ATRNL1: variants seen among roughly 807,000 people sequenced by gnomAD.
ATRNL1 encodes the protein attractin like 1.
Under a neutral mutation model 182.7 loss-of-function variants are expected in ATRNL1, and 95 were observed. The ratio of observed to expected loss-of-function variants is 0.52; its 90% confidence interval spans 0.44 to 0.62. The LOEUF (loss-of-function observed/expected upper bound fraction) is 0.62. Ranked by LOEUF, ATRNL1 falls within the 20% of genes least tolerant of loss-of-function variation. The pLI, the probability that ATRNL1 is intolerant of heterozygous loss-of-function variation, is 0.00. For synonymous variants in ATRNL1, 576 were observed against 568.3 expected (o/e 1.01, Z -0.19); for missense variants, 1,471 against 1,679.5 (o/e 0.88, Z 2.17).
At chr10:115,441,466 T>C (rs10787572) in intron 21 of ATRNL1, among the ~76,000 whole-genome samples, 46,501 of 151,702 alleles carry the variant, frequency 0.31, 7,244 homozygotes, top group African/African-American at 0.33. Flanking sequence ...TTGACTTTCC[T>C]ATCATACTTT....
At chr10:115,099,440 T>C (rs2085105137) in intron 1 of ATRNL1, among the ~76,000 whole-genome samples, 1 of 152,218 alleles carries the variant, frequency 6.6e-6, no homozygotes, top group Non-Finnish European at 1.5e-5. Flanking sequence ...TTCCTTTCTC[T>C]TGGGGAAATA....
At chr10:115,232,254 A>C (rs2144526309) in intron 9 of ATRNL1, among the ~76,000 whole-genome samples, 1 of 152,234 alleles carries the variant, frequency 6.6e-6, no homozygotes, top group East Asian at 1.9e-4. Context: ...AATCTCATTA[A>C]GGTTTGATGT....
chr10:115,516,951 C>T (rs1229025663), intron 24 of ATRNL1, among the ~76,000 whole-genome samples: 1 of 151,870 alleles, frequency 6.6e-6, no homozygotes, highest in Non-Finnish European at 1.5e-5. Flanking sequence ...GTGATATCCC[C>T]CTACAAGTTC....
At chr10:115,514,945 T>G (rs1057342075) in intron 24 of ATRNL1, among the ~76,000 whole-genome samples, 1 of 151,892 alleles carries the variant, frequency 6.6e-6, no homozygotes, top group Non-Finnish European at 1.5e-5. Flanking sequence ...AATTTCGATT[T>G]TCACTTTTAG....
chr10:115,668,651 A>G (rs1378598024), intron 26 of ATRNL1, among the ~76,000 whole-genome samples: 1 of 152,146 alleles, frequency 6.6e-6, no homozygotes, highest in Non-Finnish European at 1.5e-5. Context: ...TTCAGTATCA[A>G]TGTCAGTAGT....
chr10:115,348,265 G>A (rs782717120), intron 19 of ATRNL1, among the ~76,000 whole-genome samples: 8 of 152,136 alleles, frequency 5.3e-5, no homozygotes, highest in Non-Finnish European at 7.4e-5. Context: ...GAGGCACCGC[G>A]CCTGGCCTAT....
chr10:115,144,248 C>G (rs142967777), intron 5 of ATRNL1, among the ~76,000 whole-genome samples: 1,985 of 151,966 alleles, frequency 0.013, 39 homozygotes, highest in African/African-American at 0.046. Flanking sequence ...CCTGGGTTTA[C>G]GCTATTCTCC....
intron 8 of ATRNL1, among the ~76,000 whole-genome samples, chr10:115,183,061 T>C (rs1453752427): frequency 1.3e-5 from 2 of 151,422 alleles, no homozygotes; most frequent in East Asian, 3.9e-4. Context: ...TATAAAAAAT[T>C]AGTAGTTTCC....
intron 9 of ATRNL1, among the ~76,000 whole-genome samples, 177 bp from the exon 10 acceptor site, chr10:115,241,393 TA>T (rs1268170325): frequency 6.6e-6 from 1 of 151,504 alleles, no homozygotes; most frequent in African/African-American, 2.4e-5. Flanking sequence ...AGCCTCAAAA[TA>T]TTTTTTTTTG....
chr10:115,912,081 G>T (rs11197476), intron 28 of ATRNL1, among the ~76,000 whole-genome samples: 1 of 152,228 alleles, frequency 6.6e-6, no homozygotes, highest in Admixed American at 6.5e-5. Flanking sequence ...GAAGCATTTG[G>T]GGGGAAGAAC....
At chr10:115,522,691 A>G (rs560082019) in intron 25 of ATRNL1, among the ~76,000 whole-genome samples, 3 of 152,250 alleles carry the variant, frequency 2.0e-5, no homozygotes, top group South Asian at 2.1e-4. Context: ...CCAGAGTCCA[A>G]AGTCTCATCT....
At chr10:115,393,898 A>G (rs1176151246) in intron 19 of ATRNL1, among the ~76,000 whole-genome samples, 3 of 152,112 alleles carry the variant, frequency 2.0e-5, no homozygotes, top group African/African-American at 7.2e-5. Context: ...AGACAAGTTT[A>G]TATGAACCAA....
chr10:115,282,506 C>T (rs1289673675), intron 14 of ATRNL1, among the ~76,000 whole-genome samples: 2 of 151,434 alleles, frequency 1.3e-5, no homozygotes, highest in African/African-American at 2.4e-5. Flanking sequence ...TATGAGAATC[C>T]GAATTTTATA....
At chr10:115,390,045 T>C (rs1843940758) in intron 19 of ATRNL1, among the ~76,000 whole-genome samples, 1 of 152,182 alleles carries the variant, frequency 6.6e-6, no homozygotes, top group South Asian at 2.1e-4. Context: ...AATTGTGTTC[T>C]TTCTTTTCTT....
chr10:115,525,723 G>C (rs1268396747), intron 25 of ATRNL1, among the ~76,000 whole-genome samples: 1 of 151,932 alleles, frequency 6.6e-6, no homozygotes, highest in South Asian at 2.1e-4. Context: ...AGGCTTCTAC[G>C]AGTCACTCTA....
intron 10 of ATRNL1, among the ~76,000 whole-genome samples, chr10:115,261,436 T>C (rs1216283367): frequency 1.3e-5 from 2 of 152,048 alleles, no homozygotes; most frequent in Non-Finnish European, 2.9e-5. Context: ...CTTATGATGA[T>C]GTAATAGGCC....
At chr10:115,607,283 A>G (rs1856921128) in intron 26 of ATRNL1, among the ~76,000 whole-genome samples, 1 of 151,768 alleles carries the variant, frequency 6.6e-6, no homozygotes, top group Non-Finnish European at 1.5e-5. Context: ...GCATTTAGTT[A>G]TTGTTCTTTT....
At chr10:115,254,849 C>T (rs1363650078) in intron 10 of ATRNL1, among the ~76,000 whole-genome samples, 6 of 152,170 alleles carry the variant, frequency 3.9e-5, no homozygotes, top group Admixed American at 3.9e-4. Context: ...CAGCTTTCTA[C>T]ATATGGCTAG....
intron 1 of ATRNL1, among the ~76,000 whole-genome samples, chr10:115,110,724 C>T (rs772146483): frequency 6.6e-6 from 1 of 152,150 alleles, no homozygotes; most frequent in Non-Finnish European, 1.5e-5. Flanking sequence ...GTTATTCTGG[C>T]TGAATTTCAA....
Sources: gnomAD v4.1 joint callset for allele counts (sites outside exome capture counted in the v4.1 genomes callset) on GRCh38, gnomAD v4.1.1 for gene constraint, MANE v1.5 for transcripts, NCBI Gene and HGNC (gene_info 2026-07-23, HGNC 2026-07-21) for gene names.